GALNTL6: variants seen among roughly 807,000 people sequenced by gnomAD.
The protein encoded by GALNTL6 is polypeptide N-acetylgalactosaminyltransferase like 6.
In GALNTL6, 46 loss-of-function variants were observed where a neutral mutation model predicts 73.7. That is an observed-to-expected ratio of 0.62 (90% CI 0.49 to 0.80). GALNTL6 has a LOEUF of 0.80. Ranked by LOEUF, GALNTL6 falls within the 30% of genes least tolerant of loss-of-function variation. The pLI is 0.00. For missense variants in GALNTL6, 604 were observed against 755.0 expected (o/e 0.80, Z 2.34); for synonymous variants, 259 against 263.7 (o/e 0.98, Z 0.17).
intron 4 of GALNTL6, among the ~76,000 whole-genome samples, chr4:172,323,647 T>C (rs1740834738): frequency 6.6e-6 from 1 of 152,144 alleles, no homozygotes; most frequent in African/African-American, 2.4e-5. Flanking sequence ...TTTTAAATAA[T>C]TGGTTTGCTA....
In GALNTL6 at chr4:173,008,935, T is replaced by C. The variant is rs796415146; in HGVS notation, c.1372-243T>C. ...GGAAGTGGGTCAAAGTACAGACTGA[T>C]TAATATTGAATTATAACTATATTTC... On this transcript the variant is annotated intron_variant, in intron 10 of 12. Coordinates refer to ENST00000506823, the MANE Select transcript of GALNTL6 (RefSeq NM_001034845.3). Among the ~76,000 whole-genome samples the C allele has an allele frequency of 8.5e-5, 13 of 152,338 alleles. 1 individual carries two copies. Among genetic ancestry groups the C allele is most frequent in the African/African-American group, 3.1e-4 (13 of 41,572 alleles).
intron 2 of GALNTL6, among the ~76,000 whole-genome samples, chr4:171,998,514 TC>T (rs1307577305): frequency 6.6e-6 from 1 of 152,204 alleles, no homozygotes; most frequent in East Asian, 1.9e-4. Flanking sequence ...AAACGTCCTA[TC>T]TCCAAATACA....
intron 5 of GALNTL6, among the ~76,000 whole-genome samples, chr4:172,730,847 G>A (rs534772841): frequency 1.4e-4 from 21 of 152,184 alleles, no homozygotes; most frequent in African/African-American, 4.3e-4. Context: ...TTGGGAGGCC[G>A]AGGCGGGCGG....
At chr4:171,898,824 G>T (rs757111411) in intron 2 of GALNTL6, among the ~76,000 whole-genome samples, 1 of 151,890 alleles carries the variant, frequency 6.6e-6, no homozygotes, top group African/African-American at 2.4e-5. Context: ...GCCAAAATGC[G>T]TCAGAATGTT....
chr4:171,875,927 C>T (rs1736264082), intron 2 of GALNTL6, among the ~76,000 whole-genome samples: 3 of 151,128 alleles, frequency 2.0e-5, no homozygotes, highest in Admixed American at 1.3e-4. Flanking sequence ...TATATTTGGG[C>T]AAAAATGAAT....
chr4:172,820,021 G>C (rs769603482), intron 7 of GALNTL6, among the ~76,000 whole-genome samples: 1 of 151,460 alleles, frequency 6.6e-6, no homozygotes, highest in African/African-American at 2.4e-5. Context: ...TTCAAAACAC[G>C]TTCAGGACAC....
intron 8 of GALNTL6, among the ~76,000 whole-genome samples, chr4:172,887,439 C>T (rs1745780425): frequency 6.6e-6 from 1 of 152,160 alleles, no homozygotes; most frequent in African/African-American, 2.4e-5. Context: ...AGTCTCCAAA[C>T]TGTTTTCCCC....
chr4:172,595,689 T>C (rs2111010641), intron 5 of GALNTL6, among the ~76,000 whole-genome samples: 1 of 152,342 alleles, frequency 6.6e-6, no homozygotes, highest in Middle Eastern at 3.4e-3. Context: ...CTATTTTTTT[T>C]CCAATTTCAT....
At chr4:172,712,447 C>G (rs1390622026) in intron 5 of GALNTL6, among the ~76,000 whole-genome samples, 6 of 152,090 alleles carry the variant, frequency 3.9e-5, no homozygotes, top group Non-Finnish European at 8.8e-5. Flanking sequence ...CCCCACTCCC[C>G]CCACCTCACA....
At chr4:171,991,160 C>A (rs765614210) in intron 2 of GALNTL6, among the ~76,000 whole-genome samples, 5 of 152,078 alleles carry the variant, frequency 3.3e-5, no homozygotes, top group Non-Finnish European at 7.4e-5. Flanking sequence ...AGAAACATTT[C>A]TCTTGTAACA....
chr4:171,916,160 T>C (rs6855295), intron 2 of GALNTL6, among the ~76,000 whole-genome samples: 88,865 of 151,796 alleles, frequency 0.59, 28,951 homozygotes, highest in African/African-American at 0.88. Context: ...GTAGATTTGT[T>C]GAGATAGATA....
chr4:172,342,994 C>T (rs1741623834), intron 4 of GALNTL6, among the ~76,000 whole-genome samples: 1 of 152,168 alleles, frequency 6.6e-6, no homozygotes, highest in Non-Finnish European at 1.5e-5. Context: ...TTCTGCTAAG[C>T]ACAGTGAGCA....
intron 2 of GALNTL6, among the ~76,000 whole-genome samples, chr4:172,223,659 A>G (rs1300520801): frequency 1.3e-5 from 2 of 152,106 alleles, no homozygotes; most frequent in African/African-American, 2.4e-5. Flanking sequence ...AAAAGTCTCC[A>G]CATTTGTTTG....
chr4:172,330,535 T>C (rs1256151208), intron 4 of GALNTL6, among the ~76,000 whole-genome samples: 1 of 152,216 alleles, frequency 6.6e-6, no homozygotes, highest in East Asian at 1.9e-4. Flanking sequence ...GTGCTGTATT[T>C]ACTTGTGCCC....
At chr4:172,346,216 G>C (rs1385081166) in intron 4 of GALNTL6, among the ~76,000 whole-genome samples, 1 of 152,192 alleles carries the variant, frequency 6.6e-6, no homozygotes, top group South Asian at 2.1e-4. Context: ...TATATAGATA[G>C]ACATATAAAT....
chr4:172,996,888 C>A (rs916363423), intron 10 of GALNTL6, among the ~76,000 whole-genome samples: 3 of 152,060 alleles, frequency 2.0e-5, no homozygotes, highest in Non-Finnish European at 4.4e-5. Flanking sequence ...GAGCCTCTTG[C>A]AAAGGTTAGG....
At chr4:172,586,640 C>G (rs1333654132) in intron 5 of GALNTL6, among the ~76,000 whole-genome samples, 4 of 152,308 alleles carry the variant, frequency 2.6e-5, no homozygotes, top group Non-Finnish European at 4.4e-5. Context: ...GAGATTAGCA[C>G]AAGACCATCT....
At chr4:172,020,634 T>C (rs1046796917) in intron 2 of GALNTL6, among the ~76,000 whole-genome samples, 8 of 148,650 alleles carry the variant, frequency 5.4e-5, no homozygotes, top group African/African-American at 2.0e-4. Flanking sequence ...CCTGAACAGA[T>C]CAATAACAAG....
At chr4:171,817,270 C>G (rs2110795640) in intron 2 of GALNTL6, among the ~76,000 whole-genome samples, 1 of 152,052 alleles carries the variant, frequency 6.6e-6, no homozygotes, top group African/African-American at 2.4e-5. Flanking sequence ...TTCTGAGTAT[C>G]ATGTGGTAGT....
Sources: allele counts gnomAD v4.1 joint callset (sites outside exome capture counted in the v4.1 genomes callset), GRCh38; gene constraint gnomAD v4.1.1; transcripts MANE v1.5; gene names NCBI Gene and HGNC (gene_info 2026-07-23, HGNC 2026-07-21).